USP46: variants seen among roughly 807,000 people sequenced by gnomAD.
USP46 encodes the protein ubiquitin specific peptidase 46.
In USP46, 12 loss-of-function variants were observed where a neutral mutation model predicts 44.4. The observed-to-expected ratio is 0.27, with a 90% CI of 0.17 to 0.44. The LOEUF (loss-of-function observed/expected upper bound fraction) is 0.44. Ranked by LOEUF, USP46 falls within the 20% of genes least tolerant of loss-of-function variation. The probability of loss-of-function intolerance (pLI) is 1.00; values close to 1 mark genes in which losing one functional copy is unlikely to be tolerated. For synonymous variants in USP46, 155 were observed against 161.5 expected (o/e 0.96, Z 0.31); for missense variants, 248 against 444.8 (o/e 0.56, Z 3.98).
rs186629856 is a variant in USP46, at chr4:52,614,408, C to T, written c.562-3791G>A. On this transcript the variant is annotated intron_variant, in intron 4 of 8. Coordinates refer to ENST00000441222, the MANE Select transcript of USP46 (RefSeq NM_022832.4). ...ACTGTTGAAAACCAAAAATAAAAAGCAAATCTGAAACATCTACCAAAGAAA... is the reference window on the plus strand; with the variant it reads ...ACTGTTGAAAACCAAAAATAAAAAGTAAATCTGAAACATCTACCAAAGAAA... Among the ~76,000 whole-genome samples the T allele has an allele frequency of 4.3e-3, 662 of 152,270 alleles. 18 individuals carry two copies. Among genetic ancestry groups the T allele is most frequent in the Admixed American group, 0.039 (594 of 15,288 alleles).
At chr4:52,644,328 G>T (rs1718456806) in intron 1 of USP46, among the ~76,000 whole-genome samples, 1 of 152,166 alleles carries the variant, frequency 6.6e-6, no homozygotes, top group African/African-American at 2.4e-5. Context: ...AACAGGGAAA[G>T]CAATCATGAA....
At chr4:52,626,664 A>G (rs2109629781) in intron 3 of USP46, among the ~76,000 whole-genome samples, 1 of 152,302 alleles carries the variant, frequency 6.6e-6, no homozygotes, top group South Asian at 2.1e-4. Flanking sequence ...CAGGTATGGA[A>G]TATAAATATA....
intron 4 of USP46, among the ~76,000 whole-genome samples, chr4:52,625,177 A>G (rs1717527880): frequency 6.6e-6 from 1 of 152,142 alleles, no homozygotes; most frequent in African/African-American, 2.4e-5. Context: ...TTTATTGCCT[A>G]CTTGCCATGT....
intron 2 of USP46, among the ~76,000 whole-genome samples, chr4:52,629,217 A>G (rs941456442): frequency 6.6e-6 from 1 of 152,248 alleles, no homozygotes; most frequent in Non-Finnish European, 1.5e-5. Flanking sequence ...ATTTCTATGT[A>G]TGCTAAGATA....
intron 4 of USP46, 68 bp from the exon 5 acceptor site, chr4:52,610,685 T>C: frequency 6.9e-7 from 1 of 1,447,028 alleles, no homozygotes; most frequent in Non-Finnish European, 9.6e-7. Context: ...TGAACATGTA[T>C]AGGTAATCAC....
intron 4 of USP46, among the ~76,000 whole-genome samples, chr4:52,612,457 TTAAGTCTGAGTGTGACCATGTGACTTGCC>T (rs1716971650): frequency 6.6e-6 from 1 of 152,250 alleles, no homozygotes; most frequent in East Asian, 1.9e-4. Context: ...TTTGCCACCC[TTAAGTCTGAGTGTGACCATGTGACTTGCC>T]TTGGCCAGTG....
chr4:52,640,109 T>G (rs1718277852), intron 1 of USP46, among the ~76,000 whole-genome samples: 1 of 152,014 alleles, frequency 6.6e-6, no homozygotes, highest in Non-Finnish European at 1.5e-5. Flanking sequence ...ATAATTATAG[T>G]AATTCATATG....
chr4:52,633,780 C>T (rs1718004101), intron 1 of USP46, among the ~76,000 whole-genome samples: 1 of 152,140 alleles, frequency 6.6e-6, no homozygotes, highest in South Asian at 2.1e-4. Flanking sequence ...GAGGTGATGA[C>T]TCATACTAAG....
chr4:52,627,672 TTCTC>T (rs1717645281), intron 3 of USP46, among the ~76,000 whole-genome samples: 1 of 152,224 alleles, frequency 6.6e-6, no homozygotes, highest in African/African-American at 2.4e-5. Flanking sequence ...TTGGACACTA[TTCTC>T]TCTTACAATG....
chr4:52,656,696 GAA>G (rs1718964786), intron 1 of USP46: 1 of 597,662 alleles, frequency 1.7e-6, no homozygotes, highest in African/African-American at 2.0e-5. Context: ...GGTAGATAAG[GAA>G]AGTCTAAGAC....
chr4:52,645,129 G>T (rs1178204674), intron 1 of USP46, among the ~76,000 whole-genome samples: 1 of 151,486 alleles, frequency 6.6e-6, no homozygotes, highest in Non-Finnish European at 1.5e-5. Context: ...GGAGGCTGAG[G>T]CAGGAGAATA....
chr4:52,639,401 G>A (rs1284715635), intron 1 of USP46, among the ~76,000 whole-genome samples: 1 of 152,154 alleles, frequency 6.6e-6, no homozygotes, highest in East Asian at 1.9e-4. Context: ...AGGACTCGGG[G>A]TCCTTTTATC....
chr4:52,603,730 G>A (rs1314501332), intron 6 of USP46, among the ~76,000 whole-genome samples: 1 of 152,008 alleles, frequency 6.6e-6, no homozygotes, highest in African/African-American at 2.4e-5. Context: ...TGTCACCCAG[G>A]CTGGAGTGCA....
At chr4:52,635,382 G>A (rs374612136) in intron 1 of USP46, among the ~76,000 whole-genome samples, 4 of 152,188 alleles carry the variant, frequency 2.6e-5, no homozygotes, top group Admixed American at 6.5e-5. Flanking sequence ...CAACCAAGCC[G>A]ACTAGATTCA....
chr4:52,601,970 C>T lies in USP46; in HGVS notation c.807G>A (p.Lys269=). 4 of 1,613,974 alleles carry T rather than the reference C, an allele frequency of 2.5e-6. No individual in the cohort carries two copies. The highest frequency in any genetic ancestry group is 1.6e-4 in the Middle Eastern group (1 of 6,062). Residue 269 remains lysine (K), a synonymous_variant, in exon 7 of 9, where the codon AAG becomes AAA. Transcript: ENST00000441222. ...KYMEQLHRYT[K]LSYRVVFPLE... is the part of the protein sequence containing the mutation. Reference sequence around the variant, plus strand: ...GAGGGAAGACCACACGGTAAGACAGCTTGGTGTATCTGTGCAGCTGCTCCA... The same window carrying T: ...GAGGGAAGACCACACGGTAAGACAGTTTGGTGTATCTGTGCAGCTGCTCCA...
At chr4:52,636,705 C>CAAAAA (rs1182691689) in intron 1 of USP46, among the ~76,000 whole-genome samples, 1 of 36,170 alleles carries the variant, frequency 2.8e-5, no homozygotes. Context: ...GACTCTGTCT[C>CAAAAA]AAAAAAAAAA....
At chr4:52,619,730 T>C (rs748315187) in intron 4 of USP46, among the ~76,000 whole-genome samples, 11 of 152,206 alleles carry the variant, frequency 7.2e-5, no homozygotes, top group Non-Finnish European at 1.3e-4. Flanking sequence ...CCTTGGGAGA[T>C]TGATTCCCTG....
intron 1 of USP46, among the ~76,000 whole-genome samples, chr4:52,653,172 T>C (rs1442125425): frequency 6.6e-6 from 1 of 152,124 alleles, no homozygotes; most frequent in African/African-American, 2.4e-5. Context: ...CAAAAACCCT[T>C]TACTGTTAGG....
chr4:52,598,495 T>C (rs1203567102), intron 8 of USP46, 133 bp downstream of exon 8: 1 of 1,013,332 alleles, frequency 9.9e-7, no homozygotes, highest in South Asian at 1.5e-5. Context: ...AATTTGGTTT[T>C]GAATACAAAT....
Sources: gnomAD v4.1 joint callset for allele counts (sites outside exome capture counted in the v4.1 genomes callset) on GRCh38, gnomAD v4.1.1 for gene constraint, MANE v1.5 for transcripts, NCBI Gene and HGNC (gene_info 2026-07-23, HGNC 2026-07-21) for gene names.